MAF: variants seen among roughly 807,000 people sequenced by gnomAD.
The protein encoded by MAF is MAF bZIP transcription factor.
MAF carries 10 observed loss-of-function variants against 22.0 expected under a neutral mutation model. That is an observed-to-expected ratio of 0.45 (90% CI 0.28 to 0.77). MAF has a LOEUF of 0.77. MAF is among the 30% of genes least tolerant of loss of function. The probability of loss-of-function intolerance (pLI) is 0.12; values close to 1 mark genes in which losing one functional copy is unlikely to be tolerated. For missense variants in MAF, 544 were observed against 548.4 expected (o/e 0.99, Z 0.08); for synonymous variants, 337 against 255.8 (o/e 1.32, Z -3.03).
chr16:79,339,204 G>A, the MAF span, among the ~76,000 whole-genome samples: 1 of 152,130 alleles, frequency 6.6e-6, no homozygotes, highest in Middle Eastern at 3.4e-3. Flanking sequence ...CGAGTAGCTG[G>A]TACTACAGGC....
chr16:79,557,401 C>T, the MAF span, among the ~76,000 whole-genome samples: 2 of 151,928 alleles, frequency 1.3e-5, no homozygotes, highest in Non-Finnish European at 2.9e-5. Context: ...AGAGGGGAAG[C>T]AAAAACAGCT....
the MAF span, among the ~76,000 whole-genome samples, chr16:79,377,190 T>A: frequency 2.0e-5 from 3 of 151,204 alleles, no homozygotes; most frequent in African/African-American, 7.3e-5. Context: ...CACCTGTTGT[T>A]TCCTGACTTT....
the MAF span, among the ~76,000 whole-genome samples, chr16:79,473,037 A>G: frequency 1.3e-5 from 2 of 152,092 alleles, no homozygotes; most frequent in Admixed American, 1.3e-4. Context: ...AAATGTACAG[A>G]CTACAGGTTG....
chr16:79,475,384 A>G, the MAF span, among the ~76,000 whole-genome samples: 6 of 84,180 alleles, frequency 7.1e-5, no homozygotes, highest in South Asian at 4.4e-4. Flanking sequence ...GTGTGTGTGT[A>G]TGCAAGAAAG....
the MAF span, among the ~76,000 whole-genome samples, chr16:79,319,831 G>A: frequency 2.6e-5 from 4 of 152,178 alleles, no homozygotes; most frequent in South Asian, 2.1e-4. Flanking sequence ...AGAGAAATAC[G>A]GAAATACATC....
the MAF span, among the ~76,000 whole-genome samples, chr16:79,378,421 G>C: frequency 6.6e-6 from 1 of 152,122 alleles, no homozygotes; most frequent in Admixed American, 6.5e-5. Context: ...CAAGCTTGGC[G>C]AAACAAAGCT....
At chr16:79,262,638 G>A in the MAF span, among the ~76,000 whole-genome samples, 2 of 152,144 alleles carry the variant, frequency 1.3e-5, no homozygotes, top group African/African-American at 4.8e-5. Context: ...CCAGAGGGAC[G>A]AGCTGGGCTG....
At chr16:79,525,052 T>C in the MAF span, among the ~76,000 whole-genome samples, 6 of 152,158 alleles carry the variant, frequency 3.9e-5, no homozygotes, top group Non-Finnish European at 7.3e-5. Context: ...CCCCAGCCAG[T>C]GACAAAATAT....
chr16:79,428,748 G>C, the MAF span, among the ~76,000 whole-genome samples: 1 of 152,074 alleles, frequency 6.6e-6, no homozygotes, highest in African/African-American at 2.4e-5. Flanking sequence ...GGGAGGCTGA[G>C]GTGGGAGTAT....
chr16:79,297,522 T>A, the MAF span, among the ~76,000 whole-genome samples: 1 of 152,188 alleles, frequency 6.6e-6, no homozygotes, highest in Non-Finnish European at 1.5e-5. Context: ...TGTGCTTCTT[T>A]GGGCGAACTA....
At chr16:79,270,010 T>C in the MAF span, among the ~76,000 whole-genome samples, 2 of 152,122 alleles carry the variant, frequency 1.3e-5, no homozygotes, top group Non-Finnish European at 2.9e-5. Context: ...ATCACAGCTC[T>C]GAAGGGCTTA....
the MAF span, among the ~76,000 whole-genome samples, chr16:79,215,592 A>G: frequency 3.5e-3 from 531 of 152,176 alleles, 1 homozygote; most frequent in Non-Finnish European, 5.5e-3. Context: ...TCCTCTGTGG[A>G]TCCTGCAGGG....
At chr16:79,582,874 A>C (rs1466492717), downstream of MAF, among the ~76,000 whole-genome samples, 2 of 152,158 alleles carry the variant, frequency 1.3e-5, no homozygotes, top group Admixed American at 6.5e-5. Context: ...GAATATTTAG[A>C]AGCCCTGGGG....
chr16:79,525,497 G>A, the MAF span, among the ~76,000 whole-genome samples: 12,999 of 152,102 alleles, frequency 0.085, 803 homozygotes, highest in South Asian at 0.16. Flanking sequence ...AATTTAGAAG[G>A]GCAAGCAAAA....
chr16:79,576,838 A>G, the MAF span, among the ~76,000 whole-genome samples: 2 of 152,208 alleles, frequency 1.3e-5, no homozygotes, highest in African/African-American at 4.8e-5. Context: ...TCCTCTACAC[A>G]TGCCTTTGAG....
chr16:79,354,683 A>AG, the MAF span, among the ~76,000 whole-genome samples: 2 of 152,222 alleles, frequency 1.3e-5, no homozygotes, highest in Non-Finnish European at 2.9e-5. Context: ...CATTTGTCCA[A>AG]GGAAAAACTG....
chr16:79,251,011 T>G, the MAF span, among the ~76,000 whole-genome samples: 9 of 152,224 alleles, frequency 5.9e-5, no homozygotes, highest in Non-Finnish European at 1.2e-4. Flanking sequence ...GCTTAGCACC[T>G]GCTACATTTT....
chr16:79,389,620 C>A, the MAF span, among the ~76,000 whole-genome samples: 4,196 of 151,698 alleles, frequency 0.028, 181 homozygotes, highest in African/African-American at 0.096. Flanking sequence ...AAACATTTTT[C>A]TTTTTTAAGT....
chr16:79,211,032 G>GTGTGT, the MAF span, among the ~76,000 whole-genome samples: 3 of 30,458 alleles, frequency 9.8e-5, no homozygotes, highest in East Asian at 5.8e-4. Context: ...TGTATGGTGA[G>GTGTGT]GAGTGTGTGT....
Sources: gnomAD v4.1 joint callset for allele counts (sites outside exome capture counted in the v4.1 genomes callset) on GRCh38, gnomAD v4.1.1 for gene constraint, MANE v1.5 for transcripts, NCBI Gene and HGNC (gene_info 2026-07-23, HGNC 2026-07-21) for gene names.